The following GPC5 variants were observed in gnomAD, a reference collection of about 807,000 sequenced individuals.
GPC5 encodes the protein glypican-5.
Under a neutral mutation model 53.9 loss-of-function variants are expected in GPC5, and 47 were observed. The ratio of observed to expected loss-of-function variants is 0.87; its 90% confidence interval spans 0.69 to 1.11. GPC5 has a LOEUF of 1.11. Ranked by LOEUF, GPC5 falls within the 50% of genes most tolerant of loss-of-function variation. GPC5 has a pLI of 0.00. For synonymous variants in GPC5, 286 were observed against 263.3 expected (o/e 1.09, Z -0.84); for missense variants, 748 against 713.1 (o/e 1.05, Z -0.56).
intron 2 of GPC5, among the ~76,000 whole-genome samples, chr13:91,632,359 A>G (rs577854284): frequency 3.9e-5 from 6 of 152,266 alleles, no homozygotes; most frequent in Middle Eastern, 3.4e-3. Context: ...GACATGAGCA[A>G]GAAAGACAAG....
At chr13:91,712,229 T>G (rs2036240564) in intron 3 of GPC5, among the ~76,000 whole-genome samples, 1 of 152,076 alleles carries the variant, frequency 6.6e-6, no homozygotes, top group Non-Finnish European at 1.5e-5. Context: ...ATTATTATAT[T>G]CACAAGGACC....
intron 7 of GPC5, among the ~76,000 whole-genome samples, chr13:92,663,891 TATATATATATATACAC>T (rs1191241285): frequency 4.0e-3 from 67 of 16,894 alleles, no homozygotes; most frequent in Middle Eastern, 0.045. Flanking sequence ...TATATATATA[TATATATATATATACAC>T]ACACACACAC....
At chr13:91,636,064 C>T (rs892053637) in intron 2 of GPC5, among the ~76,000 whole-genome samples, 6 of 151,808 alleles carry the variant, frequency 4.0e-5, no homozygotes, top group Admixed American at 3.9e-4. Context: ...TATTTAACAG[C>T]GTTAGGTATT....
At chr13:92,728,210 A>G (rs1172993114) in intron 7 of GPC5, among the ~76,000 whole-genome samples, 1 of 151,518 alleles carries the variant, frequency 6.6e-6, no homozygotes, top group Non-Finnish European at 1.5e-5. Context: ...TATGAAGTCA[A>G]AGACAGTTTC....
intron 7 of GPC5, among the ~76,000 whole-genome samples, chr13:92,432,652 G>A (rs567148799): frequency 5.2e-4 from 79 of 151,932 alleles, no homozygotes; most frequent in Non-Finnish European, 1.0e-3. Context: ...TGGGATTAAA[G>A]GTGTGAGCCA....
At chr13:91,978,326 T>C (rs2040325999) in intron 6 of GPC5, among the ~76,000 whole-genome samples, 9 of 152,246 alleles carry the variant, frequency 5.9e-5, no homozygotes, top group Admixed American at 5.9e-4. Flanking sequence ...ATTTATTTAC[T>C]CATTGTAGCA....
At chr13:92,164,424 A>G (rs1446762996) in intron 7 of GPC5, among the ~76,000 whole-genome samples, 3 of 152,204 alleles carry the variant, frequency 2.0e-5, no homozygotes, top group Non-Finnish European at 2.9e-5. Flanking sequence ...TGCAAATCCA[A>G]AATCCAATAG....
intron 7 of GPC5, among the ~76,000 whole-genome samples, chr13:92,211,903 C>A (rs2042378110): frequency 6.6e-6 from 1 of 152,100 alleles, no homozygotes; most frequent in Non-Finnish European, 1.5e-5. Flanking sequence ...TTTCTGACAG[C>A]ATCAGAGATT....
chr13:91,983,360 C>G (rs2040378265), intron 6 of GPC5, among the ~76,000 whole-genome samples: 4 of 151,664 alleles, frequency 2.6e-5, no homozygotes, highest in Non-Finnish European at 5.9e-5. Context: ...AAAAAAGGAC[C>G]CAAGGGAGGA....
intron 7 of GPC5, among the ~76,000 whole-genome samples, chr13:92,540,364 A>G (rs1229262005): frequency 6.6e-6 from 1 of 152,008 alleles, no homozygotes; most frequent in Admixed American, 6.6e-5. Flanking sequence ...TATGAATACG[A>G]TAATAGTGGT....
At chr13:92,259,940 C>A (rs537441533) in intron 7 of GPC5, among the ~76,000 whole-genome samples, 1 of 152,120 alleles carries the variant, frequency 6.6e-6, no homozygotes, top group South Asian at 2.1e-4. Context: ...GGAGGAGTAC[C>A]CAAATCTCGT....
At chr13:92,085,811 C>T (rs2041331225) in intron 6 of GPC5, among the ~76,000 whole-genome samples, 1 of 152,094 alleles carries the variant, frequency 6.6e-6, no homozygotes, top group African/African-American at 2.4e-5. Flanking sequence ...AGGGTTCATA[C>T]TCCTATGAGA....
At chr13:92,004,096 GT>G (rs1340267695) in intron 6 of GPC5, among the ~76,000 whole-genome samples, 1 of 152,036 alleles carries the variant, frequency 6.6e-6, no homozygotes, top group African/African-American at 2.4e-5. Context: ...TTTTGTTACT[GT>G]AAAAACAGTT....
At chr13:92,144,535 A>T (rs1018693882) in intron 6 of GPC5, among the ~76,000 whole-genome samples, 6 of 152,186 alleles carry the variant, frequency 3.9e-5, no homozygotes, top group Non-Finnish European at 5.9e-5. Context: ...GAAACAAAGG[A>T]TCCTCTAGAC....
chr13:92,515,339 G>A (rs74657291), intron 7 of GPC5, among the ~76,000 whole-genome samples: 2,272 of 152,256 alleles, frequency 0.015, 63 homozygotes, highest in African/African-American at 0.052. Flanking sequence ...GAGAATCCAA[G>A]AAAGGGAGTA....
At chr13:91,857,955 C>T (rs1409464750) in intron 5 of GPC5, among the ~76,000 whole-genome samples, 2 of 151,400 alleles carry the variant, frequency 1.3e-5, no homozygotes, top group African/African-American at 4.8e-5. Context: ...CTTTTTATTA[C>T]CACAGCAAAC....
At chr13:92,163,460 C>CAAA (rs35480023) in intron 7 of GPC5, among the ~76,000 whole-genome samples, 1 of 90,354 alleles carries the variant, frequency 1.1e-5, no homozygotes, top group Admixed American at 1.2e-4. Context: ...GATTCCATCT[C>CAAA]AAAAAAAAAA....
chr13:92,062,428 G>A (rs529801065), intron 6 of GPC5, among the ~76,000 whole-genome samples: 2 of 151,988 alleles, frequency 1.3e-5, no homozygotes, highest in East Asian at 3.9e-4. Context: ...AAATCAGAGT[G>A]TTTCCTTTAC....
intron 7 of GPC5, among the ~76,000 whole-genome samples, chr13:92,839,507 T>C (rs1878345945): frequency 1.3e-5 from 2 of 151,972 alleles, no homozygotes; most frequent in African/African-American, 4.8e-5. Context: ...TATGTGTTCA[T>C]GTGTTCTCAT....
Sources: gnomAD v4.1 joint callset for allele counts (sites outside exome capture counted in the v4.1 genomes callset) on GRCh38, gnomAD v4.1.1 for gene constraint, MANE v1.5 for transcripts, NCBI Gene and HGNC (gene_info 2026-07-23, HGNC 2026-07-21) for gene names.